The following GPC5 variants were observed in gnomAD, a reference collection of about 807,000 sequenced individuals.
GPC5 encodes the protein glypican 5.
In GPC5, 47 loss-of-function variants were observed where a neutral mutation model predicts 53.9. The observed-to-expected ratio is 0.87, with a 90% CI of 0.69 to 1.11. The LOEUF is 1.11. Ranked by LOEUF, GPC5 falls within the 50% of genes most tolerant of loss-of-function variation. GPC5 has a pLI of 0.00. For synonymous variants in GPC5, 286 were observed against 263.3 expected (o/e 1.09, Z -0.84); for missense variants, 748 against 713.1 (o/e 1.05, Z -0.56).
At chr13:91,888,858 A>T (rs1462877214) in intron 5 of GPC5, among the ~76,000 whole-genome samples, 3 of 152,172 alleles carry the variant, frequency 2.0e-5, no homozygotes, top group African/African-American at 7.2e-5. Context: ...AACTTATTAA[A>T]ATCCCATTGT....
chr13:92,164,840 C>T (rs2042015812), intron 7 of GPC5, among the ~76,000 whole-genome samples: 1 of 152,258 alleles, frequency 6.6e-6, no homozygotes, highest in African/African-American at 2.4e-5. Context: ...TGTACATCCT[C>T]TGAAATCTAG....
chr13:92,635,691 G>C (rs1885386643), intron 7 of GPC5, among the ~76,000 whole-genome samples: 1 of 152,220 alleles, frequency 6.6e-6, no homozygotes, highest in African/African-American at 2.4e-5. Context: ...ATTATTGGTA[G>C]AGTTCTCAAC....
intron 6 of GPC5, among the ~76,000 whole-genome samples, chr13:92,063,735 T>C (rs1319866958): frequency 1.3e-5 from 2 of 152,138 alleles, no homozygotes; most frequent in East Asian, 1.9e-4. Flanking sequence ...TAAGCTAAAA[T>C]GCTTAATGAT....
intron 7 of GPC5, among the ~76,000 whole-genome samples, chr13:92,702,940 C>T (rs1887802162): frequency 6.6e-6 from 1 of 151,940 alleles, no homozygotes; most frequent in Non-Finnish European, 1.5e-5. Context: ...ACACTGGCTG[C>T]TTGACCTGCC....
chr13:91,482,030 A>G (rs1883329395), intron 2 of GPC5, among the ~76,000 whole-genome samples: 2 of 152,188 alleles, frequency 1.3e-5, no homozygotes, highest in Admixed American at 1.3e-4. Context: ...CATATCCAAA[A>G]GTCTATCTGT....
intron 7 of GPC5, among the ~76,000 whole-genome samples, chr13:92,558,205 C>G (rs1441088554): frequency 1.3e-5 from 2 of 151,962 alleles, no homozygotes; most frequent in Non-Finnish European, 2.9e-5. Flanking sequence ...TTCAGGAAAG[C>G]TGATAAGGAT....
At chr13:92,804,505 C>G (rs772040500) in intron 7 of GPC5, among the ~76,000 whole-genome samples, 19 of 151,966 alleles carry the variant, frequency 1.3e-4, no homozygotes, top group Admixed American at 2.0e-4. Context: ...ACAATGCATA[C>G]ACTTTAATTG....
Position 91,693,402 on chromosome 13 carries a change from C to G in GPC5, c.541C>G (p.Pro181Ala). 1.2e-6 allele frequency: 2 copies of G among 1,614,040 alleles called. No homozygotes were observed. The highest frequency in any genetic ancestry group is 8.5e-7 in the Non-Finnish European group (1 of 1,180,002). The change falls in exon 3 of 8, where the codon CCT (proline) becomes GCT (alanine). Residue 181 changes from proline to alanine, a missense_variant. Physicochemically the swap from Pro to Ala is conservative, Grantham distance 27. Transcript: ENST00000377067. ...FPLVYNHLIN[P>A]GVTDSSLEYS... ...TCTGGTCTACAACCACCTCATTAACCCTGGTGTGACTGACAGTTCCCTGGA... is the reference window on the plus strand; with the variant it reads ...TCTGGTCTACAACCACCTCATTAACGCTGGTGTGACTGACAGTTCCCTGGA...
chr13:92,411,491 C>T (rs543732994), intron 7 of GPC5, among the ~76,000 whole-genome samples: 28 of 152,176 alleles, frequency 1.8e-4, no homozygotes, highest in African/African-American at 6.5e-4. Context: ...TCTCTTTTCC[C>T]TTCTGCCACC....
chr13:92,803,058 T>G (rs1252955823), intron 7 of GPC5, among the ~76,000 whole-genome samples: 1 of 151,924 alleles, frequency 6.6e-6, no homozygotes, highest in Non-Finnish European at 1.5e-5. Context: ...TCCCCCAAAT[T>G]TTAATTACCT....
At chr13:91,919,075 CCTT>C (rs1172912520) in intron 6 of GPC5, among the ~76,000 whole-genome samples, 1 of 152,176 alleles carries the variant, frequency 6.6e-6, no homozygotes, top group African/African-American at 2.4e-5. Flanking sequence ...ATTTGCTCCT[CCTT>C]CTGTTCTTTC....
chr13:91,729,117 A>C (rs1424846950), intron 4 of GPC5, among the ~76,000 whole-genome samples: 1 of 152,248 alleles, frequency 6.6e-6, no homozygotes, highest in Non-Finnish European at 1.5e-5. Context: ...GGTATTACTG[A>C]ATGTTTAACA....
At chr13:92,511,478 C>T (rs1432711038) in intron 7 of GPC5, among the ~76,000 whole-genome samples, 1 of 152,134 alleles carries the variant, frequency 6.6e-6, no homozygotes, top group East Asian at 1.9e-4. Flanking sequence ...CTGGGGATCT[C>T]CTTTGCTAGG....
chr13:91,750,400 G>C (rs2037146102), intron 4 of GPC5, among the ~76,000 whole-genome samples: 1 of 152,106 alleles, frequency 6.6e-6, no homozygotes, highest in Non-Finnish European at 1.5e-5. Context: ...AATTAGATGG[G>C]ACTGGACTGT....
chr13:92,862,206 C>A (rs982223594), intron 7 of GPC5, among the ~76,000 whole-genome samples: 3 of 152,106 alleles, frequency 2.0e-5, no homozygotes, highest in African/African-American at 7.2e-5. Context: ...AATAAGGGAA[C>A]TTAATTATAT....
chr13:91,696,397 T>C (rs2035880357), intron 3 of GPC5, among the ~76,000 whole-genome samples: 1 of 152,344 alleles, frequency 6.6e-6, no homozygotes, highest in Non-Finnish European at 1.5e-5. Context: ...TCCTCTTTTT[T>C]ACTTATGGGA....
At chr13:92,465,269 T>C (rs1262423993) in intron 7 of GPC5, among the ~76,000 whole-genome samples, 3 of 152,042 alleles carry the variant, frequency 2.0e-5, no homozygotes, top group African/African-American at 7.2e-5. Context: ...ATAGCAAATA[T>C]AGAAGCATTT....
In GPC5 at chr13:92,681,103, T is replaced by C. The variant is rs1389318768; in HGVS notation, c.1562-185179T>C. ...TGTAGTTGAGAGGACACCATCTCTG[T>C]ATCTAGTAGCATTTAGTTTTAACCT... On this transcript the variant is annotated intron_variant, in intron 7 of 7. Coordinates refer to ENST00000377067, the MANE Select transcript of GPC5 (RefSeq NM_004466.6). Among the ~76,000 whole-genome samples, 7 of 152,018 alleles carry C rather than the reference T, an allele frequency of 4.6e-5. No homozygotes were observed. In the East Asian group the frequency reaches 1.4e-3, roughly 29 times the overall value.
chr13:91,901,754 A>C (rs1299333829), intron 5 of GPC5, among the ~76,000 whole-genome samples: 1 of 152,076 alleles, frequency 6.6e-6, no homozygotes, highest in Admixed American at 6.6e-5. Context: ...AAGCCAAGAT[A>C]GCAACATTTT....
Sources: allele counts gnomAD v4.1 joint callset (sites outside exome capture counted in the v4.1 genomes callset), GRCh38; gene constraint gnomAD v4.1.1; transcripts MANE v1.5; gene names NCBI Gene and HGNC (gene_info 2026-07-23, HGNC 2026-07-21).